The following CD209 variants were observed in gnomAD, a reference collection of about 807,000 sequenced individuals.
CD209 encodes CD209 antigen.
CD209 carries 31 observed loss-of-function variants against 44.7 expected under a neutral mutation model. That is an observed-to-expected ratio of 0.69 (90% CI 0.52 to 0.94). The LOEUF (loss-of-function observed/expected upper bound fraction) is 0.94. CD209 is among the 40% of genes least tolerant of loss of function. The probability of loss-of-function intolerance (pLI) is 0.00; values close to 1 mark genes in which losing one functional copy is unlikely to be tolerated. For synonymous variants in CD209, 173 were observed against 181.3 expected (o/e 0.95, Z 0.37); for missense variants, 407 against 452.4 (o/e 0.90, Z 0.91).
chr19:7,746,815 C>G (rs1421373065), intron 2 of CD209, among the ~76,000 whole-genome samples: 1 of 150,050 alleles, frequency 6.7e-6, no homozygotes, highest in Non-Finnish European at 1.5e-5. Flanking sequence ...TCCCTGGAAC[C>G]CAGGCCCCCA....
At position 7,743,797 on chromosome 19, in the gene CD209, G is replaced by A. The variant is rs190601505; in HGVS notation, c.1013+310C>T. On this transcript the variant is annotated intron_variant, in intron 6 of 6. Transcript: ENST00000315599. ...CCTCTCTCTAGGGATCTGTGTATAT[G>A]AGAAGCTATTCACAATGGCAGGTGT... Among the ~76,000 whole-genome samples, 649 of 152,270 alleles carry A rather than the reference G, an allele frequency of 4.3e-3. 3 individuals are homozygous for A. Among genetic ancestry groups the A allele is most frequent in the Middle Eastern group, 0.027 (8 of 294 alleles).
intron 5 of CD209, 122 bp from the exon 6 acceptor site, chr19:7,744,341 C>T: frequency 1.4e-6 from 1 of 704,102 alleles, no homozygotes; most frequent in South Asian, 1.7e-5. Context: ...TATACTAGGT[C>T]CTGAGCCCCC....
At position 7,740,876 on chromosome 19, in the gene CD209, G is replaced by T. The variant is rs1276144553; in HGVS notation, c.*2163C>A. The T allele has an allele frequency of 2.7e-6, 2 of 737,292 alleles. No homozygotes were observed. The highest frequency in any genetic ancestry group is 5.0e-6 in the Non-Finnish European group (2 of 401,526). 45.7% of individuals were successfully genotyped at this position (737,292 alleles called of 1,614,324 possible). A position where few individuals can be genotyped will look rare whatever the true frequency, so the allele number is the denominator to read the frequency against. On this transcript the variant is annotated 3_prime_UTR_variant, in exon 7 of 7. Transcript: ENST00000315599. Reference sequence around the variant, plus strand: ...AGATGCTGGATCAGGCTGAAAATGAGTTGGAAAATGGCGCCACATGGCAAA... The same window carrying T: ...AGATGCTGGATCAGGCTGAAAATGATTTGGAAAATGGCGCCACATGGCAAA...
Position 7,742,221 on chromosome 19 carries a change from C to T in CD209, c.*818G>A, listed in dbSNP as rs746191344. On this transcript the variant is annotated 3_prime_UTR_variant, in exon 7 of 7. Coordinates refer to ENST00000315599, the MANE Select transcript of CD209 (RefSeq NM_021155.4). ...TGTAATCCCAGCAATTTTGGGAGGCCGAGGCGGGCAGATCATCTGAGGTCG... is the reference window on the plus strand; with the variant it reads ...TGTAATCCCAGCAATTTTGGGAGGCTGAGGCGGGCAGATCATCTGAGGTCG... 9.6e-5 allele frequency: 15 copies of T among 156,578 alleles called. No individual in the cohort carries two copies. The highest frequency in any genetic ancestry group is 8.6e-5 in the Non-Finnish European group (6 of 69,948). The allele number at this position is 156,578 out of a possible 1,614,324, so 9.7% of individuals were successfully genotyped here. A position where few individuals can be genotyped will look rare whatever the true frequency, so the allele number is the denominator to read the frequency against.
chr19:7,744,303 G>T, intron 5 of CD209, 84 bp from the exon 6 acceptor site: 2 of 1,045,202 alleles, frequency 1.9e-6, no homozygotes, highest in Non-Finnish European at 3.0e-6. Flanking sequence ...AGGAAGTTCT[G>T]CTTGTAGGCT....
At position 7,741,342 on chromosome 19, in the gene CD209, C is replaced by A. The variant is rs1170111730; in HGVS notation, c.*1697G>T. The A allele has an allele frequency of 1.1e-5, 3 of 271,042 alleles. No individual in the cohort carries two copies. The highest frequency in any genetic ancestry group is 2.1e-5 in the Non-Finnish European group (3 of 144,988). The allele number at this position is 271,042 out of a possible 1,614,324, so 16.8% of individuals were successfully genotyped here. On this transcript the variant is annotated 3_prime_UTR_variant, in exon 7 of 7. Transcript: ENST00000315599. Reference sequence around the variant, plus strand: ...AGAATTAGCTGGGCGCAGTGGTGCACGCCCAGCTAATTTTTGTACTTTTAG... The same window carrying A: ...AGAATTAGCTGGGCGCAGTGGTGCAAGCCCAGCTAATTTTTGTACTTTTAG...
chr19:7,741,237 C>T lies in CD209; in HGVS notation c.*1802G>A, dbSNP rs963854728. ...CTGTAATCCCAGCACTTTGGGAGGACGCGGCGGGCGAATCACGAGGTCAAG... is the reference window on the plus strand; with the variant it reads ...CTGTAATCCCAGCACTTTGGGAGGATGCGGCGGGCGAATCACGAGGTCAAG... On this transcript the variant is annotated 3_prime_UTR_variant, in exon 7 of 7. Transcript: ENST00000315599. The T allele has an allele frequency of 4.4e-5, 23 of 525,752 alleles. No individual in the cohort carries two copies. The highest frequency in any genetic ancestry group is 3.5e-4 in the African/African-American group (18 of 51,204). 32.6% of individuals were successfully genotyped at this position (525,752 alleles called of 1,614,324 possible).
In CD209 at chr19:7,742,116, G is replaced by A; in HGVS notation, c.*923C>T. 3.8e-6 allele frequency: 1 copy of A among 262,822 alleles called. No homozygotes were observed. Among genetic ancestry groups the A allele is most frequent in the Non-Finnish European group, 8.0e-6 (1 of 124,372 alleles). 16.3% of individuals were successfully genotyped at this position (262,822 alleles called of 1,614,324 possible). ...AGGAGGAGATCAGGTAGTAGAGACAGAACTGTTCAGAGTCCCAAATCCCAA... is the reference window on the plus strand; with the variant it reads ...AGGAGGAGATCAGGTAGTAGAGACAAAACTGTTCAGAGTCCCAAATCCCAA... On this transcript the variant is annotated 3_prime_UTR_variant, in exon 7 of 7. Transcript: ENST00000315599.
Position 7,742,818 on chromosome 19 carries a change from C to G in CD209, c.*221G>C, listed in dbSNP as rs1357310123. The G allele has an allele frequency of 2.2e-5, 13 of 585,170 alleles. No individual in the cohort carries two copies. The highest frequency in any genetic ancestry group is 2.1e-5 in the Non-Finnish European group (7 of 328,358). 36.2% of individuals were successfully genotyped at this position (585,170 alleles called of 1,614,324 possible). On this transcript the variant is annotated 3_prime_UTR_variant, in exon 7 of 7. Transcript: ENST00000315599. ...GAGAGTGGATTCTTGGAACACAAGTCCACCCCCAAAGGCATCCCACACCAG... is the reference window on the plus strand; with the variant it reads ...GAGAGTGGATTCTTGGAACACAAGTGCACCCCCAAAGGCATCCCACACCAG...
chr19:7,747,226 G>T, intron 2 of CD209, 80 bp downstream of exon 2: 1 of 1,454,640 alleles, frequency 6.9e-7, no homozygotes, highest in Non-Finnish European at 9.6e-7. Context: ...CAAGAGTCCA[G>T]GCCCCAGCGT....
In CD209 at chr19:7,741,629, T is replaced by A; in HGVS notation, c.*1410A>T. Reference sequence around the variant, plus strand: ...GAAGAATGCCAAGCAGCTCTTTCTCTGTTTAACGGACGATGGTATGTACGC... The same window carrying A: ...GAAGAATGCCAAGCAGCTCTTTCTCAGTTTAACGGACGATGGTATGTACGC... On this transcript the variant is annotated 3_prime_UTR_variant, in exon 7 of 7. Transcript: ENST00000315599. The A allele has an allele frequency of 3.3e-6, 3 of 900,052 alleles. No individual in the cohort carries two copies. The South Asian group carries it at 3.8e-5, about 12-fold the overall frequency. 55.8% of individuals were successfully genotyped at this position (900,052 alleles called of 1,614,324 possible).
In CD209 at chr19:7,745,503, G is replaced by C; in HGVS notation, c.748+15C>G. On this transcript the variant is annotated intron_variant, in intron 4 of 6. Transcript: ENST00000315599. ...ACCATCTCAGGCCCAAGAAGCCCTGGTTCCAGATACTCACCCACTGCAGCC... is the reference window on the plus strand; with the variant it reads ...ACCATCTCAGGCCCAAGAAGCCCTGCTTCCAGATACTCACCCACTGCAGCC... The C allele has an allele frequency of 6.2e-7, 1 of 1,612,378 alleles. No homozygotes were observed. The highest frequency in any genetic ancestry group is 8.5e-7 in the Non-Finnish European group (1 of 1,179,896).
Position 7,740,914 on chromosome 19 carries a change from C to A in CD209, c.*2125G>T, listed in dbSNP as rs183638737. ...GCCACATGGCAAAACCCGGAACCCC[C>A]CCTTGGATTTCAGAGTCATGGAGAA... On this transcript the variant is annotated 3_prime_UTR_variant, in exon 7 of 7. Transcript: ENST00000315599. The A allele has an allele frequency of 2.7e-6, 2 of 730,566 alleles. No homozygotes were observed. Among genetic ancestry groups the A allele is most frequent in the Non-Finnish European group, 5.0e-6 (2 of 398,454 alleles). The allele number at this position is 730,566 out of a possible 1,614,324, so 45.3% of individuals were successfully genotyped here.
Position 7,742,706 on chromosome 19 carries a change from T to C in CD209, c.*333A>G, listed in dbSNP as rs895324811. 1.6e-5 allele frequency: 5 copies of C among 314,486 alleles called. No individual in the cohort carries two copies. Among genetic ancestry groups the C allele is most frequent in the Non-Finnish European group, 2.4e-5 (4 of 166,790 alleles). The allele number at this position is 314,486 out of a possible 1,614,324, so 19.5% of individuals were successfully genotyped here. ...AGGTGGTAGGTGGAAGTTGAACAGA[T>C]GGTAGGTTTGCATGTATAAGATAAC... On this transcript the variant is annotated 3_prime_UTR_variant, in exon 7 of 7. Transcript: ENST00000315599.
At position 7,743,170 on chromosome 19, in the gene CD209, T is replaced by G; in HGVS notation, c.1084A>C (p.Asn362His). 6.2e-7 allele frequency: 1 copy of G among 1,614,180 alleles called. No homozygotes were observed. Among genetic ancestry groups the G allele is most frequent in the East Asian group, 2.2e-5 (1 of 44,892 alleles). ...TTACATTTGTCGTCGTTCCAGCCATTGCCACTAAATTCCGCGCAGTCTTCC... is the reference window on the plus strand; with the variant it reads ...TTACATTTGTCGTCGTTCCAGCCATGGCCACTAAATTCCGCGCAGTCTTCC... ...GEEDCAEFSG[N>H]GWNDDKCNLA... The change falls in exon 7 of 7, where the codon AAT becomes CAT. Residue 362 changes from asparagine to histidine, a missense_variant. Physicochemically the swap from Asn to His is moderately conservative, Grantham distance 68. This residue lies in a region of CD209 where 200 missense variants were observed against 202.2 expected (regional missense o/e 0.99). Coordinates refer to ENST00000315599, the MANE Select transcript of CD209 (RefSeq NM_021155.4).
Position 7,743,082 on chromosome 19 carries a change from A to G in CD209, c.1172T>C (p.Phe391Ser). 6.2e-7 allele frequency: 1 copy of G among 1,614,090 alleles called. No homozygotes were observed. Among genetic ancestry groups the G allele is most frequent in the African/African-American group, 1.3e-5 (1 of 75,020 alleles). Residue 391 changes from phenylalanine (F) to serine (S), a missense_variant, in exon 7 of 7, where the codon TTT (phenylalanine) becomes TCT (serine). Phe to Ser is a radical substitution (Grantham distance 155). Around this residue, in one of 3 missense-constraint regions of CD209, gnomAD observed 200 missense variants for 202.2 expected, o/e 0.99. Transcript: ENST00000315599. ...AASCSRDEEQ[F>S]LSPAPATPNP... ...TGGGGTGGCAGGGGCTGGAGAAAGAAACTGTTCTTCATCCCTGGAGCAGGA... is the reference window on the plus strand; with the variant it reads ...TGGGGTGGCAGGGGCTGGAGAAAGAGACTGTTCTTCATCCCTGGAGCAGGA...
chr19:7,744,638 C>G (rs1311559185), intron 5 of CD209, among the ~76,000 whole-genome samples: 1 of 152,206 alleles, frequency 6.6e-6, no homozygotes, highest in Non-Finnish European at 1.5e-5. Context: ...ATATTTACAC[C>G]AGGGAAACTG....
Position 7,742,138 on chromosome 19 carries a change from C to T in CD209, c.*901G>A. On this transcript the variant is annotated 3_prime_UTR_variant, in exon 7 of 7. Transcript: ENST00000315599. ...ACAGAACTGTTCAGAGTCCCAAATCCCAATAAACCTGTTTTATTCTTACAA... is the reference window on the plus strand; with the variant it reads ...ACAGAACTGTTCAGAGTCCCAAATCTCAATAAACCTGTTTTATTCTTACAA... 1 of 225,818 alleles carries T rather than the reference C, an allele frequency of 4.4e-6. No homozygotes were observed. Among genetic ancestry groups the T allele is most frequent in the Non-Finnish European group, 9.8e-6 (1 of 102,150 alleles). The allele number at this position is 225,818 out of a possible 1,614,324, so 14.0% of individuals were successfully genotyped here.
rs1257850727 is a variant in CD209, at chr19:7,742,136, T to C, written c.*903A>G. ...AGACAGAACTGTTCAGAGTCCCAAA[T>C]CCCAATAAACCTGTTTTATTCTTAC... On this transcript the variant is annotated 3_prime_UTR_variant, in exon 7 of 7. Transcript: ENST00000315599. 2.6e-5 allele frequency: 6 copies of C among 226,666 alleles called. No homozygotes were observed. The highest frequency in any genetic ancestry group is 5.8e-5 in the Non-Finnish European group (6 of 102,674). 14.0% of individuals were successfully genotyped at this position (226,666 alleles called of 1,614,324 possible). A position where few individuals can be genotyped will look rare whatever the true frequency, so the allele number is the denominator to read the frequency against.
Sources: gnomAD v4.1 joint callset for allele counts (sites outside exome capture counted in the v4.1 genomes callset) on GRCh38, gnomAD v4.1.1 for gene constraint, gnomAD v4.1.1 regional missense constraint, MANE v1.5 for transcripts, NCBI Gene and HGNC (gene_info 2026-07-23, HGNC 2026-07-21) for gene names.